The following C10orf143 variants were observed in gnomAD, a reference collection of about 807,000 sequenced individuals.
The protein encoded by C10orf143 is chromosome 10 open reading frame 143.
chr10:130,058,091 G>C (rs957309074), intron 3 of C10orf143, among the ~76,000 whole-genome samples: 2 of 152,236 alleles, frequency 1.3e-5, no homozygotes, highest in African/African-American at 4.8e-5. Flanking sequence ...GATGTGGGCA[G>C]GCAATGTGCT....
intron 1 of C10orf143, among the ~76,000 whole-genome samples, chr10:130,093,778 C>T (rs569521573): frequency 3.3e-5 from 5 of 152,046 alleles, no homozygotes; most frequent in South Asian, 4.2e-4. Context: ...TTTGGGAGGC[C>T]GAGGCGGGCG....
At chr10:130,061,849 G>A (rs1590011975), downstream of C10orf143, among the ~76,000 whole-genome samples, 2 of 152,332 alleles carry the variant, frequency 1.3e-5, no homozygotes, top group South Asian at 2.1e-4. Context: ...CACGGGGTGA[G>A]CTCCTCCAGG....
At chr10:130,055,952 TAAAAAAAAAAAAAAAA>T (rs369284797) in intron 3 of C10orf143, among the ~76,000 whole-genome samples, 6 of 65,862 alleles carry the variant, frequency 9.1e-5, no homozygotes, top group Admixed American at 5.0e-4. Flanking sequence ...TCTCCAAAAG[TAAAAAAAAAAAAAAAA>T]AAAAAAAAAA....
rs1267433489 is a variant in C10orf143 at position 130,101,865 on chromosome 10, C to CAAAAAAAA, written c.69+8831_69+8838dup. Among the ~76,000 whole-genome samples the CAAAAAAAA allele has an allele frequency of 8.6e-4, 41 of 47,734 alleles. 8 individuals are homozygous for CAAAAAAAA. Among genetic ancestry groups the CAAAAAAAA allele is most frequent in the African/African-American group, 3.4e-3 (26 of 7,584 alleles). 31.3% of individuals were successfully genotyped at this position (47,734 alleles called of 152,430 possible). A position where few individuals can be genotyped will look rare whatever the true frequency, so the allele number is the denominator to read the frequency against. On this transcript the variant is annotated intron_variant, in intron 1 of 3. Transcript: ENST00000637128. ...ACTCTGTCTCAAAAAAAAAAAAAAC[C>CAAAAAAAA]AAAAAAAAAAAAAAAAAAAACTTTT...
chr10:130,105,741 CAAACA>C (rs1345678805), intron 1 of C10orf143, among the ~76,000 whole-genome samples: 1 of 152,052 alleles, frequency 6.6e-6, no homozygotes, highest in Non-Finnish European at 1.5e-5. Flanking sequence ...CCTCCCCCCC[CAAACA>C]AAACAAAACA....
chr10:130,053,262 T>C (rs1363161796), intron 3 of C10orf143, among the ~76,000 whole-genome samples: 2 of 152,200 alleles, frequency 1.3e-5, no homozygotes, highest in South Asian at 4.1e-4. Context: ...GGTTTCACTA[T>C]GTTGGCCAGG....
At chr10:130,083,179 G>C (rs1384016861) in intron 1 of C10orf143, among the ~76,000 whole-genome samples, 1 of 152,132 alleles carries the variant, frequency 6.6e-6, no homozygotes, top group Non-Finnish European at 1.5e-5. Flanking sequence ...GAAAAAAAGT[G>C]TTCAAATGCA....
intron 1 of C10orf143, chr10:130,108,102 G>A (rs772051876): frequency 1.3e-6 from 2 of 1,524,576 alleles, no homozygotes; most frequent in Non-Finnish European, 1.8e-6. Flanking sequence ...GCAGCAACTG[G>A]CCCTCGCTTT....
At chr10:130,076,988 C>T (rs1438206814) in intron 3 of C10orf143, among the ~76,000 whole-genome samples, 1 of 152,146 alleles carries the variant, frequency 6.6e-6, no homozygotes, top group East Asian at 1.9e-4. Context: ...GGTCCCACCA[C>T]ATTCATTTCG....
intron 3 of C10orf143, among the ~76,000 whole-genome samples, chr10:130,073,472 C>T (rs539600521): frequency 3.9e-5 from 6 of 152,306 alleles, no homozygotes; most frequent in African/African-American, 9.6e-5. Context: ...TATCTCTGGA[C>T]GTGAGCATTC....
At chr10:130,102,357 A>G (rs1861571581) in intron 1 of C10orf143, among the ~76,000 whole-genome samples, 1 of 152,088 alleles carries the variant, frequency 6.6e-6, no homozygotes, top group Non-Finnish European at 1.5e-5. Context: ...CTCAGCTCAC[A>G]GCAACCTCTG....
chr10:130,110,586 T>G (rs1454044579), intron 1 of C10orf143, 118 bp downstream of exon 1: 3 of 397,352 alleles, frequency 7.5e-6, no homozygotes, highest in Non-Finnish European at 1.3e-5. Flanking sequence ...AGCGTGCGAG[T>G]GTCTTGGGCC....
At chr10:130,088,193 G>A (rs1483673631) in intron 1 of C10orf143, among the ~76,000 whole-genome samples, 1 of 152,092 alleles carries the variant, frequency 6.6e-6, no homozygotes, top group Non-Finnish European at 1.5e-5. Context: ...GACCAGCCTG[G>A]CCAACATGGT....
intron 3 of C10orf143, among the ~76,000 whole-genome samples, chr10:130,048,077 G>A (rs1267356938): frequency 6.6e-6 from 1 of 152,186 alleles, no homozygotes; most frequent in African/African-American, 2.4e-5. Context: ...CAGTCATGGG[G>A]CATCACAGGC....
Position 130,097,209 on chromosome 10 carries a change from T to G in C10orf143, c.69+13495A>C, listed in dbSNP as rs77110387. Among the ~76,000 whole-genome samples the G allele has an allele frequency of 4.3e-3, 658 of 152,154 alleles. 3 individuals carry two copies. Among genetic ancestry groups the G allele is most frequent in the African/African-American group, 0.015 (622 of 41,526 alleles). The stretch of plus-strand genomic sequence containing the variant: ...AAGATGTGAAGAGTAATTTCCCCAA[T>G]GAAGATATATGAAAGGTCAGTAAGT... On this transcript the variant is annotated intron_variant, in intron 1 of 3. Coordinates refer to ENST00000637128, the MANE Select transcript of C10orf143 (RefSeq NM_001355042.2).
In C10orf143 at chr10:130,064,261, G is replaced by C. The variant is rs1184251125; in HGVS notation, c.*93C>G. On this transcript the variant is annotated 3_prime_UTR_variant, in exon 4 of 4. Coordinates refer to ENST00000637128, the MANE Select transcript of C10orf143 (RefSeq NM_001355042.2). ...ACCGGGCTGCTATTTGAACAGGTAA[G>C]TCCCCAAACCCATCTGTAGGAGATT... 5.0e-6 allele frequency: 2 copies of C among 397,324 alleles called. No individual in the cohort carries two copies. The highest frequency in any genetic ancestry group is 8.9e-6 in the Non-Finnish European group (2 of 225,410). The allele number at this position is 397,324 out of a possible 1,614,324, so 24.6% of individuals were successfully genotyped here. A position where few individuals can be genotyped will look rare whatever the true frequency, so the allele number is the denominator to read the frequency against.
At chr10:130,063,124 G>A (rs1288537993), downstream of C10orf143, among the ~76,000 whole-genome samples, 1 of 152,098 alleles carries the variant, frequency 6.6e-6, no homozygotes, top group African/African-American at 2.4e-5. Flanking sequence ...GGATGCCCGG[G>A]GACTGTTCTC....
rs1031680359 is a variant in C10orf143, at chr10:130,088,261, A to G, written c.70-8360T>C. Among the ~76,000 whole-genome samples, 3 of 152,204 alleles carry G rather than the reference A, an allele frequency of 2.0e-5. 1 individual carries two copies. The highest frequency in any genetic ancestry group is 4.1e-4 in the South Asian group (2 of 4,828). Reference sequence around the variant, plus strand: ...TAGCCAGGCGTGGTGGCACGTGCCTATAATTCCAGCTACTCAGGAGGCTAA... The same window carrying G: ...TAGCCAGGCGTGGTGGCACGTGCCTGTAATTCCAGCTACTCAGGAGGCTAA... On this transcript the variant is annotated intron_variant, in intron 1 of 3. Coordinates refer to ENST00000637128, the MANE Select transcript of C10orf143 (RefSeq NM_001355042.2).
At chr10:130,079,944 C>T (rs1861180142) in intron 1 of C10orf143, 43 bp from the exon 2 acceptor site, 1 of 398,476 alleles carries the variant, frequency 2.5e-6, no homozygotes, top group Non-Finnish European at 4.4e-6. Flanking sequence ...TCATAAAGCA[C>T]ACAACACTCT....
Sources: gnomAD v4.1 joint callset for allele counts (sites outside exome capture counted in the v4.1 genomes callset) on GRCh38, gnomAD v4.1.1 for gene constraint, MANE v1.5 for transcripts, NCBI Gene and HGNC (gene_info 2026-07-23, HGNC 2026-07-21) for gene names.